The following TBC1D12 variants were observed in gnomAD, a reference collection of about 807,000 sequenced individuals.
TBC1D12 encodes TBC1 domain family member 12, also known as TBC1 domain family, member 12.
TBC1D12 carries 56 observed loss-of-function variants against 86.7 expected under a neutral mutation model. The ratio of observed to expected loss-of-function variants is 0.65; its 90% CI spans 0.52 to 0.81. The LOEUF is 0.81. Among genes scored for constraint, TBC1D12 ranks in the 30% least tolerant of loss-of-function variants. TBC1D12 has a pLI of 0.00. For missense variants in TBC1D12, 1,023 were observed against 1,038.8 expected, an observed-to-expected ratio of 0.98 and a Z score of 0.21; for synonymous variants, 421 against 411.7, an observed-to-expected ratio of 1.02 and a Z score of -0.27.
chr10:94,521,935 A>G lies in TBC1D12; in HGVS notation c.1762-20A>G, dbSNP rs752464574. ...TTATTATTGTAAGTCCATTTTGACT[A>G]AATTTTTCTCCCTTTGAAGGTCCAA... On this transcript the variant is annotated intron_variant, in intron 9 of 12. Coordinates refer to ENST00000225235, the MANE Select transcript of TBC1D12 (RefSeq NM_015188.2). 6.4e-7 allele frequency: 1 copy of G among 1,554,274 alleles called. No homozygotes were observed. The highest frequency in any genetic ancestry group is 8.7e-7 in the Non-Finnish European group (1 of 1,143,064).
chr10:94,415,929 G>A (rs2054992807), intron 1 of TBC1D12, among the ~76,000 whole-genome samples: 1 of 152,156 alleles, frequency 6.6e-6, no homozygotes, highest in Non-Finnish European at 1.5e-5. Flanking sequence ...TAACACAGCT[G>A]AGAACTATAC....
At chr10:94,518,907 A>G (rs1842070280) in intron 9 of TBC1D12, among the ~76,000 whole-genome samples, 1 of 151,980 alleles carries the variant, frequency 6.6e-6, no homozygotes, top group South Asian at 2.1e-4. Context: ...AAACCCCGTC[A>G]CTATTAAAAA....
intron 7 of TBC1D12, 122 bp from the exon 8 acceptor site, chr10:94,509,969 A>C: frequency 1.5e-6 from 1 of 674,274 alleles, no homozygotes; most frequent in Non-Finnish European, 2.5e-6. Flanking sequence ...CATTTCTTAT[A>C]ATTTCTTGAT....
At chr10:94,532,350 T>G (rs986305038) in intron 12 of TBC1D12, among the ~76,000 whole-genome samples, 4 of 152,114 alleles carry the variant, frequency 2.6e-5, no homozygotes, top group African/African-American at 7.2e-5. Context: ...GCTAATTTTT[T>G]GTATTTTTAG....
intron 2 of TBC1D12, among the ~76,000 whole-genome samples, chr10:94,466,897 A>G (rs1043528662): frequency 2.6e-5 from 4 of 152,068 alleles, no homozygotes; most frequent in Non-Finnish European, 5.9e-5. Flanking sequence ...CTTAGTCTCT[A>G]TGGCCTTTGA....
In TBC1D12 at chr10:94,516,413, CTTTT is replaced by C. The variant is rs201893594; in HGVS notation, c.1761+4763_1761+4766del. ...TGGGCATATATAAATTTTCAATCAA[CTTTT>C]TTTGTTTTTTTTAAAATTATACTAA... is the stretch of plus-strand genomic sequence containing the variant. On this transcript the variant is annotated intron_variant, in intron 9 of 12. Coordinates refer to ENST00000225235, the MANE Select transcript of TBC1D12 (RefSeq NM_015188.2). 2.7e-3 allele frequency among the ~76,000 whole-genome samples: 413 copies of C among 151,928 alleles called. 9 individuals carry two copies. In the East Asian group the frequency reaches 0.06, roughly 22 times the overall value.
intron 1 of TBC1D12, among the ~76,000 whole-genome samples, chr10:94,409,863 G>A (rs1199369697): frequency 6.6e-6 from 1 of 152,074 alleles, no homozygotes; most frequent in African/African-American, 2.4e-5. Context: ...GTAATACCAA[G>A]AGTTTCCACA....
intron 9 of TBC1D12, among the ~76,000 whole-genome samples, chr10:94,519,902 T>C (rs1842095230): frequency 6.6e-6 from 1 of 152,138 alleles, no homozygotes; most frequent in Non-Finnish European, 1.5e-5. Flanking sequence ...ATCATATCTG[T>C]AGAGTCCCTT....
intron 5 of TBC1D12, among the ~76,000 whole-genome samples, chr10:94,499,974 C>T (rs573399905): frequency 1.3e-3 from 194 of 152,270 alleles, no homozygotes; most frequent in South Asian, 4.8e-3. Context: ...TTCTGATTCT[C>T]TCATTGACAT....
chr10:94,459,839 G>A (rs963985896), intron 2 of TBC1D12, among the ~76,000 whole-genome samples: 5 of 152,154 alleles, frequency 3.3e-5, no homozygotes, highest in African/African-American at 4.8e-5. Flanking sequence ...GCACTGGCCC[G>A]TGAGTGCCGC....
intron 2 of TBC1D12, among the ~76,000 whole-genome samples, chr10:94,452,815 A>G (rs1205312491): frequency 2.0e-5 from 3 of 152,196 alleles, no homozygotes; most frequent in African/African-American, 7.2e-5. Context: ...GGAAGTGATT[A>G]CTGGATCATA....
chr10:94,502,641 G>C (rs2056413190), intron 6 of TBC1D12, among the ~76,000 whole-genome samples: 2 of 152,062 alleles, frequency 1.3e-5, no homozygotes, highest in Admixed American at 1.3e-4. Context: ...GCAATGAGCT[G>C]TGATTGTGCC....
intron 3 of TBC1D12, among the ~76,000 whole-genome samples, chr10:94,484,803 T>C (rs77352988): frequency 0.022 from 3,337 of 152,266 alleles, 126 homozygotes; most frequent in African/African-American, 0.074. Flanking sequence ...GTTATTGTTT[T>C]AAGTAAAAGA....
chr10:94,503,274 C>T (rs1331686717), intron 6 of TBC1D12, among the ~76,000 whole-genome samples: 4 of 152,180 alleles, frequency 2.6e-5, no homozygotes, highest in Non-Finnish European at 5.9e-5. Flanking sequence ...TACTGTTTTT[C>T]ATCCCTCAAA....
chr10:94,521,870 T>A (rs1436560980), intron 9 of TBC1D12, 85 bp from the exon 10 acceptor site: 30 of 1,235,914 alleles, frequency 2.4e-5, no homozygotes, highest in Non-Finnish European at 3.1e-5. Context: ...GTAATGTCAC[T>A]GTAATTTTTC....
At position 94,403,267 on chromosome 10, in the gene TBC1D12, C is replaced by T; in HGVS notation, c.654C>T (p.Asp218=). 1 of 1,503,476 alleles carries T rather than the reference C, an allele frequency of 6.7e-7. No homozygotes were observed. Among genetic ancestry groups the T allele is most frequent in the South Asian group, 1.3e-5 (1 of 78,556 alleles). 93.1% of individuals were successfully genotyped at this position (1,503,476 alleles called of 1,614,324 possible). Residue 218 remains aspartate, a synonymous_variant, in exon 1 of 13, where the codon GAC becomes GAT. Transcript: ENST00000225235. ...AGGAGCCCGAGGGCGCGGGCAGCGACTCGGGGGACAGCCCCGCCAGCAGCT... is the reference window on the plus strand; with the variant it reads ...AGGAGCCCGAGGGCGCGGGCAGCGATTCGGGGGACAGCCCCGCCAGCAGCT... The part of the protein sequence containing the change: ...DAQEPEGAGS[D]SGDSPASSCS...
chr10:94,466,505 G>C (rs1001082357), intron 2 of TBC1D12, among the ~76,000 whole-genome samples: 1 of 151,920 alleles, frequency 6.6e-6, no homozygotes, highest in African/African-American at 2.4e-5. Flanking sequence ...TGAAAGGCTG[G>C]ATTTTATTAT....
chr10:94,499,105 A>G (rs147449562), intron 5 of TBC1D12, among the ~76,000 whole-genome samples: 3 of 152,286 alleles, frequency 2.0e-5, no homozygotes, highest in East Asian at 3.9e-4. Context: ...ACATTATGGA[A>G]TGATTAAATC....
chr10:94,464,432 G>A (rs2055776533), intron 2 of TBC1D12, among the ~76,000 whole-genome samples: 1 of 151,976 alleles, frequency 6.6e-6, no homozygotes, highest in African/African-American at 2.4e-5. Context: ...TTGACCAACA[G>A]TTTTCAAACA....
Sources: allele counts gnomAD v4.1 joint callset (sites outside exome capture counted in the v4.1 genomes callset), GRCh38; gene constraint gnomAD v4.1.1; transcripts MANE v1.5; gene names NCBI Gene and HGNC (gene_info 2026-07-23, HGNC 2026-07-21).